The following KCNIP4 variants were observed in gnomAD, a reference collection of about 807,000 sequenced individuals.
KCNIP4 encodes Kv channel-interacting protein 4.
Under a neutral mutation model 34.0 loss-of-function variants are expected in KCNIP4, and 12 were observed. That is an observed-to-expected ratio of 0.35 (90% CI 0.23 to 0.57). The LOEUF (loss-of-function observed/expected upper bound fraction) is 0.57. Ranked by LOEUF, KCNIP4 falls within the 20% of genes least tolerant of loss-of-function variation. KCNIP4 has a pLI of 0.83. For synonymous variants in KCNIP4, 124 were observed against 102.2 expected (o/e 1.21, Z -1.29); for missense variants, 238 against 311.7 (o/e 0.76, Z 1.78).
chr4:21,779,406 T>G (rs904742446), intron 1 of KCNIP4, among the ~76,000 whole-genome samples: 2 of 152,088 alleles, frequency 1.3e-5, no homozygotes, highest in African/African-American at 4.8e-5. Flanking sequence ...AATATATATT[T>G]GAAAATTGAT....
intron 1 of KCNIP4, among the ~76,000 whole-genome samples, chr4:21,201,140 G>A (rs1756459160): frequency 6.6e-6 from 1 of 152,222 alleles, no homozygotes; most frequent in Non-Finnish European, 1.5e-5. Context: ...GGAATGTGGA[G>A]GATTCAGATG....
At chr4:21,420,488 C>A (rs964038080) in intron 1 of KCNIP4, among the ~76,000 whole-genome samples, 7 of 152,186 alleles carry the variant, frequency 4.6e-5, no homozygotes, top group African/African-American at 1.7e-4. Flanking sequence ...GAAAAGCATT[C>A]AATATCTTCC....
At chr4:21,821,706 C>G (rs1722361558) in intron 1 of KCNIP4, among the ~76,000 whole-genome samples, 2 of 151,946 alleles carry the variant, frequency 1.3e-5, no homozygotes, top group Admixed American at 1.3e-4. Flanking sequence ...TCATTATTAC[C>G]CGGTTGTCAA....
At chr4:20,946,174 A>G (rs1409136633) in intron 1 of KCNIP4, among the ~76,000 whole-genome samples, 2 of 152,120 alleles carry the variant, frequency 1.3e-5, no homozygotes, top group Non-Finnish European at 2.9e-5. Flanking sequence ...AAAAGCAAAC[A>G]TATGTCCAGG....
At chr4:20,874,589 C>T (rs556098562) in intron 2 of KCNIP4, among the ~76,000 whole-genome samples, 1 of 152,062 alleles carries the variant, frequency 6.6e-6, no homozygotes, top group African/African-American at 2.4e-5. Context: ...TTAATGACAA[C>T]TTCTGGTAGA....
chr4:21,930,651 C>A lies in KCNIP4; in HGVS notation c.61+17920G>T, dbSNP rs111412407. ...AATCTGAGCCTTTGCACAGGCTGATCCTACCTCTAAATCCCTCTCTCTCCT... is the reference window on the plus strand; with the variant it reads ...AATCTGAGCCTTTGCACAGGCTGATACTACCTCTAAATCCCTCTCTCTCCT... On this transcript the variant is annotated intron_variant, in intron 1 of 8. Coordinates refer to ENST00000382152, the MANE Select transcript of KCNIP4 (RefSeq NM_025221.6). 4.7e-3 allele frequency among the ~76,000 whole-genome samples: 716 copies of A among 152,186 alleles called. 2 individuals carry two copies. Among genetic ancestry groups the A allele is most frequent in the Non-Finnish European group, 7.3e-3 (497 of 67,976 alleles).
chr4:21,520,042 G>C (rs13120577), intron 1 of KCNIP4, among the ~76,000 whole-genome samples: 1 of 151,604 alleles, frequency 6.6e-6, no homozygotes, highest in Non-Finnish European at 1.5e-5. Flanking sequence ...AGCATCCAGC[G>C]CAGGAGAAGG....
At chr4:21,595,408 G>T (rs4385045) in intron 1 of KCNIP4, among the ~76,000 whole-genome samples, 133,241 of 152,134 alleles carry the variant, frequency 0.88, 58,640 homozygotes, top group East Asian at 0.99. Context: ...GCATTTGGGT[G>T]GGTTCCAAGT....
intron 1 of KCNIP4, among the ~76,000 whole-genome samples, chr4:21,208,899 G>A (rs1241732382): frequency 2.0e-5 from 3 of 152,130 alleles, no homozygotes; most frequent in Non-Finnish European, 4.4e-5. Flanking sequence ...AAGGAGAAGA[G>A]CAAGCAGGGG....
At chr4:21,028,877 T>C (rs1020521878) in intron 1 of KCNIP4, among the ~76,000 whole-genome samples, 2 of 152,154 alleles carry the variant, frequency 1.3e-5, no homozygotes, top group Non-Finnish European at 2.9e-5. Context: ...CCAATGTAGT[T>C]TGGAAGAAAC....
At chr4:21,420,959 T>C (rs946531903) in intron 1 of KCNIP4, among the ~76,000 whole-genome samples, 4 of 152,052 alleles carry the variant, frequency 2.6e-5, no homozygotes, top group African/African-American at 4.8e-5. Context: ...ACAAAAAGCA[T>C]GATCATATAA....
intron 1 of KCNIP4, among the ~76,000 whole-genome samples, chr4:21,003,263 A>AT (rs1321879999): frequency 1.3e-5 from 2 of 152,208 alleles, no homozygotes; most frequent in Non-Finnish European, 2.9e-5. Context: ...ACCAACGTCT[A>AT]TCTTCCCGGA....
intron 1 of KCNIP4, among the ~76,000 whole-genome samples, chr4:21,676,144 T>C (rs1052273470): frequency 6.6e-6 from 1 of 152,204 alleles, no homozygotes; most frequent in African/African-American, 2.4e-5. Context: ...TTCTAGAGTA[T>C]GACTGCCTTC....
In KCNIP4 at chr4:20,730,661, G is replaced by C. The variant is rs535179227; in HGVS notation, c.706-532C>G. Among the ~76,000 whole-genome samples, 3 of 152,234 alleles carry C rather than the reference G, an allele frequency of 2.0e-5. No homozygotes were observed. In the South Asian group the frequency reaches 6.2e-4, roughly 32 times the overall value. On this transcript the variant is annotated intron_variant, in intron 8 of 8. Transcript: ENST00000382152. The stretch of plus-strand genomic sequence containing the variant: ...CTGCTAGTTATGGCTAAAGCTGCAT[G>C]GCCTGAAGGAGCCTTTAAAAATGAA...
At chr4:21,046,800 G>T (rs1742465518) in intron 1 of KCNIP4, among the ~76,000 whole-genome samples, 1 of 152,080 alleles carries the variant, frequency 6.6e-6, no homozygotes, top group Non-Finnish European at 1.5e-5. Context: ...CATGCTGGTT[G>T]GGCTGGTCTC....
At chr4:21,520,631 T>C (rs1013542022) in intron 1 of KCNIP4, among the ~76,000 whole-genome samples, 1 of 152,172 alleles carries the variant, frequency 6.6e-6, no homozygotes, top group African/African-American at 2.4e-5. Flanking sequence ...TGTGTAGCCC[T>C]GAGTAAGCAA....
chr4:20,744,782 A>G (rs1163683398), intron 5 of KCNIP4, among the ~76,000 whole-genome samples: 1 of 152,104 alleles, frequency 6.6e-6, no homozygotes, highest in African/African-American at 2.4e-5. Context: ...ATAAAAATAT[A>G]AAATAAAAAT....
intron 1 of KCNIP4, among the ~76,000 whole-genome samples, chr4:20,996,106 C>G (rs1449561578): frequency 6.6e-6 from 1 of 152,098 alleles, no homozygotes; most frequent in Non-Finnish European, 1.5e-5. Flanking sequence ...CTAGAATATG[C>G]AAGACCCTAA....
At chr4:20,803,724 AG>A (rs1714693900) in intron 3 of KCNIP4, among the ~76,000 whole-genome samples, 79 of 67,142 alleles carry the variant, frequency 1.2e-3, no homozygotes, top group Middle Eastern at 0.015. Context: ...AGAGAGAGAG[AG>A]AGAGGAAGGA....
Sources: allele counts gnomAD v4.1 joint callset (sites outside exome capture counted in the v4.1 genomes callset), GRCh38; gene constraint gnomAD v4.1.1; transcripts MANE v1.5; gene names NCBI Gene and HGNC (gene_info 2026-07-23, HGNC 2026-07-21).